The following PUM1 variants were observed in gnomAD, a reference collection of about 807,000 sequenced individuals.
PUM1 encodes the protein pumilio RNA binding family member 1, also known as pumilio homolog 1.
Under a neutral mutation model 131.8 loss-of-function variants are expected in PUM1, and 13 were observed. That is an observed-to-expected ratio of 0.10 (90% CI 0.06 to 0.16). PUM1 has a LOEUF of 0.16. PUM1 is among the 10% of genes least tolerant of loss of function. PUM1 has a pLI of 1.00. For missense variants in PUM1, 961 were observed against 1,512.4 expected (o/e 0.64, Z 6.05); for synonymous variants, 509 against 556.5 (o/e 0.91, Z 1.20).
In PUM1 at chr1:30,942,130, G is replaced by A. The variant is rs1639459639; in HGVS notation, c.2995-7C>T. ...GTGTGGATAAGGCAAATACCTAAGGGTAGACAAACACAAATGAGAAGCAAA... is the reference window on the plus strand; with the variant it reads ...GTGTGGATAAGGCAAATACCTAAGGATAGACAAACACAAATGAGAAGCAAA... On this transcript the variant is annotated splice_region_variant and splice_polypyrimidine_tract_variant and intron_variant, in intron 18 of 21. Transcript: ENST00000426105. The A allele has an allele frequency of 5.4e-6, 8 of 1,493,910 alleles. No individual in the cohort carries two copies. Among genetic ancestry groups the A allele is most frequent in the African/African-American group, 3.0e-5 (2 of 66,634 alleles). 92.5% of individuals were successfully genotyped at this position (1,493,910 alleles called of 1,614,324 possible).
chr1:31,016,682 T>G (rs1011528481), intron 3 of PUM1, among the ~76,000 whole-genome samples: 5 of 152,210 alleles, frequency 3.3e-5, no homozygotes, highest in African/African-American at 1.2e-4. Context: ...CTACTAGGTA[T>G]CATCACAATC....
At chr1:30,952,975 C>CA (rs1054126999) in intron 15 of PUM1, among the ~76,000 whole-genome samples, 15 of 146,946 alleles carry the variant, frequency 1.0e-4, no homozygotes, top group Middle Eastern at 3.2e-3. Flanking sequence ...GACTCTGTCT[C>CA]AAAAAAACAA....
At chr1:30,962,425 TGTTTTGAGACAGG>T (rs1351385492) in intron 14 of PUM1, among the ~76,000 whole-genome samples, 21 of 152,190 alleles carry the variant, frequency 1.4e-4, no homozygotes, top group Admixed American at 1.4e-3. Flanking sequence ...TATCTTATTT[TGTTTTGAGACAGG>T]GTCTTACTCT....
intron 9 of PUM1, among the ~76,000 whole-genome samples, chr1:30,979,611 A>G (rs1274060474): frequency 6.6e-6 from 1 of 152,176 alleles, no homozygotes; most frequent in Non-Finnish European, 1.5e-5. Flanking sequence ...GGAAATCAAT[A>G]AAAGGTTTAA....
intron 13 of PUM1, among the ~76,000 whole-genome samples, chr1:30,965,521 T>C (rs1040730629): frequency 1.2e-4 from 18 of 152,242 alleles, no homozygotes; most frequent in African/African-American, 4.3e-4. Context: ...CTTGGTCTAA[T>C]ATCCTTCCTC....
chr1:31,045,933 T>C (rs764695839), intron 2 of PUM1, among the ~76,000 whole-genome samples: 1 of 151,960 alleles, frequency 6.6e-6, no homozygotes, highest in Non-Finnish European at 1.5e-5. Context: ...AATACAAAAA[T>C]TAGCTGGACG....
chr1:30,965,139 T>G (rs1367639999), intron 13 of PUM1, among the ~76,000 whole-genome samples: 2 of 152,138 alleles, frequency 1.3e-5, no homozygotes, highest in African/African-American at 4.8e-5. Context: ...TCCTATGGTG[T>G]CGTATATTAT....
intron 14 of PUM1, among the ~76,000 whole-genome samples, chr1:30,958,080 T>A (rs148358986): frequency 6.6e-6 from 1 of 152,308 alleles, no homozygotes; most frequent in East Asian, 1.9e-4. Flanking sequence ...AACACATACA[T>A]GACTACTGCT....
rs569005430 is a variant in PUM1 at position 31,057,402 on chromosome 1, T to C, written c.363+1802A>G. Among the ~76,000 whole-genome samples, 442 of 103,568 alleles carry C rather than the reference T, an allele frequency of 4.3e-3. 2 individuals are homozygous for C. The highest frequency in any genetic ancestry group is 0.016 in the African/African-American group (415 of 26,166). 67.9% of individuals were successfully genotyped at this position (103,568 alleles called of 152,430 possible). A position where few individuals can be genotyped will look rare whatever the true frequency, so the allele number is the denominator to read the frequency against. On this transcript the variant is annotated intron_variant, in intron 2 of 21. Coordinates refer to ENST00000426105, the MANE Select transcript of PUM1 (RefSeq NM_001020658.2). ...GCCTGGATGACAGAGCCAGACCTTG[T>C]CTCAAAAAAAAAAAAAAAAAGAAAA...
At chr1:30,973,981 A>C (rs879565693) in intron 10 of PUM1, among the ~76,000 whole-genome samples, 1 of 152,010 alleles carries the variant, frequency 6.6e-6, no homozygotes, top group Non-Finnish European at 1.5e-5. Context: ...CCAGCTACTC[A>C]GGAGGCTAAG....
Position 30,986,526 on chromosome 1 carries a change from A to G in PUM1, c.1159-5121T>C, listed in dbSNP as rs184134972. 2.1e-3 allele frequency among the ~76,000 whole-genome samples: 313 copies of G among 152,154 alleles called. 1 individual carries two copies. Among genetic ancestry groups the G allele is most frequent in the Middle Eastern group, 0.014 (4 of 294 alleles). Reference sequence around the variant, plus strand: ...GATTACAATGATTTTTCGTAGGCGCATACAAATTAAACCATGCTGCTAAAC... The same window carrying G: ...GATTACAATGATTTTTCGTAGGCGCGTACAAATTAAACCATGCTGCTAAAC... On this transcript the variant is annotated intron_variant, in intron 7 of 21. Coordinates refer to ENST00000426105, the MANE Select transcript of PUM1 (RefSeq NM_001020658.2).
chr1:31,048,370 T>C (rs1644021011), intron 2 of PUM1, among the ~76,000 whole-genome samples: 1 of 151,926 alleles, frequency 6.6e-6, no homozygotes, highest in Non-Finnish European at 1.5e-5. Context: ...AACTGCTGTT[T>C]TTTCCTCTAA....
chr1:31,045,109 C>T (rs922984014), intron 2 of PUM1, among the ~76,000 whole-genome samples: 1 of 149,926 alleles, frequency 6.7e-6, no homozygotes, highest in Non-Finnish European at 1.5e-5. Flanking sequence ...GAATTATACA[C>T]TTTAAATGGA....
At chr1:30,937,505 G>A (rs577507565) in intron 20 of PUM1, among the ~76,000 whole-genome samples, 28 of 151,958 alleles carry the variant, frequency 1.8e-4, no homozygotes, top group Non-Finnish European at 3.4e-4. Flanking sequence ...ACTCCATCTC[G>A]AACTCCTGAC....
At position 30,981,320 on chromosome 1, in the gene PUM1, G is replaced by A. The variant is rs1270175502; in HGVS notation, c.1244C>T (p.Pro415Leu). Reference protein sequence around the residue: ...QQYALAAAHQPHIGLAPAAFV... With the variant: ...QQYALAAAHQLHIGLAPAAFV... Reference sequence around the variant, plus strand: ...TGGGCTTAAGGACTTACCGATGTGCGGCTGATGAGCAGCTGCCAGTGCATA... The same window carrying A: ...TGGGCTTAAGGACTTACCGATGTGCAGCTGATGAGCAGCTGCCAGTGCATA... The change falls in exon 8 of 22, where the codon CCG becomes CTG. Residue 415 changes from proline to leucine, a missense_variant. Coordinates refer to ENST00000426105, the MANE Select transcript of PUM1 (RefSeq NM_001020658.2). The A allele has an allele frequency of 1.9e-6, 3 of 1,592,250 alleles. No individual in the cohort carries two copies. Among genetic ancestry groups the A allele is most frequent in the Non-Finnish European group, 2.6e-6 (3 of 1,165,510 alleles).
In PUM1 at chr1:30,938,896, TAGATAGATAGAC is replaced by T. The variant is rs1368124621; in HGVS notation, c.3243-2073_3243-2062del. 4.0e-3 allele frequency among the ~76,000 whole-genome samples: 445 copies of T among 110,274 alleles called. 3 individuals carry two copies. Among genetic ancestry groups the T allele is most frequent in the African/African-American group, 0.011 (404 of 35,424 alleles). 72.3% of individuals were successfully genotyped at this position (110,274 alleles called of 152,430 possible). ...AGATAGAGATAGATAGATAGATAGA[TAGATAGATAGAC>T]AGACAGACAGACAGACAGACAGACA... On this transcript the variant is annotated intron_variant, in intron 20 of 21. Coordinates refer to ENST00000426105, the MANE Select transcript of PUM1 (RefSeq NM_001020658.2).
At chr1:30,935,511 A>G (rs913447195) in intron 21 of PUM1, among the ~76,000 whole-genome samples, 2 of 152,208 alleles carry the variant, frequency 1.3e-5, no homozygotes, top group Admixed American at 6.5e-5. Flanking sequence ...GAATGAATGA[A>G]TGAATAGACA....
chr1:31,023,915 ACT>A (rs1643126142), intron 3 of PUM1, among the ~76,000 whole-genome samples: 1 of 124,594 alleles, frequency 8.0e-6, no homozygotes, highest in Non-Finnish European at 1.6e-5. Context: ...ACAGAGCGAG[ACT>A]CTGTCTCAAA....
At chr1:30,936,329 G>GA (rs1639209010) in intron 21 of PUM1, among the ~76,000 whole-genome samples, 1 of 152,216 alleles carries the variant, frequency 6.6e-6, no homozygotes, top group Admixed American at 6.5e-5. Context: ...AAGAACAGAA[G>GA]GGAGGAGTGA....
Sources: gnomAD v4.1 joint callset for allele counts (sites outside exome capture counted in the v4.1 genomes callset) on GRCh38, gnomAD v4.1.1 for gene constraint, MANE v1.5 for transcripts, NCBI Gene and HGNC (gene_info 2026-07-23, HGNC 2026-07-21) for gene names.